SCG5: variants seen among roughly 807,000 people sequenced by gnomAD.
SCG5 encodes secretogranin V.
Under a neutral mutation model 25.7 loss-of-function variants are expected in SCG5, and 18 were observed. The observed-to-expected ratio is 0.70, with a 90% CI of 0.48 to 1.04. The LOEUF (loss-of-function observed/expected upper bound fraction) is 1.04, where lower values mean the gene tolerates loss of function less well. Ranked by LOEUF, SCG5 falls within the 50% of genes least tolerant of loss-of-function variation. The pLI is 0.00. For synonymous variants in SCG5, 101 were observed against 91.7 expected, an observed-to-expected ratio of 1.10 and a Z score of -0.58; for missense variants, 206 against 259.8, an observed-to-expected ratio of 0.79 and a Z score of 1.42.
chr15:32,678,324 T>C (rs2054563706), intron 2 of SCG5, among the ~76,000 whole-genome samples: 1 of 152,202 alleles, frequency 6.6e-6, no homozygotes, highest in Admixed American at 6.5e-5. Flanking sequence ...AGGCCTTGCA[T>C]CTTTATTATG....
At chr15:32,676,124 A>G (rs182525943) in intron 2 of SCG5, among the ~76,000 whole-genome samples, 13 of 152,330 alleles carry the variant, frequency 8.5e-5, no homozygotes, top group Admixed American at 2.6e-4. Context: ...TGTCTATAAA[A>G]TTCTAGCTCC....
intron 2 of SCG5, among the ~76,000 whole-genome samples, chr15:32,657,762 T>A (rs899596047): frequency 6.6e-6 from 1 of 152,212 alleles, no homozygotes; most frequent in African/African-American, 2.4e-5. Context: ...CATTTCTACT[T>A]TTATTTACTC....
At chr15:32,671,891 C>T (rs2054432252) in intron 2 of SCG5, among the ~76,000 whole-genome samples, 1 of 152,136 alleles carries the variant, frequency 6.6e-6, no homozygotes, top group Non-Finnish European at 1.5e-5. Flanking sequence ...GCTTTGCCTT[C>T]CCTTAGCCTG....
chr15:32,648,422 TC>T (rs894312728), intron 2 of SCG5, among the ~76,000 whole-genome samples: 1 of 152,132 alleles, frequency 6.6e-6, no homozygotes, highest in African/African-American at 2.4e-5. Flanking sequence ...TAAACTTTTT[TC>T]AGGAGTTAAA....
chr15:32,650,827 C>G (rs1399668890), intron 2 of SCG5, among the ~76,000 whole-genome samples: 1 of 152,184 alleles, frequency 6.6e-6, no homozygotes, highest in Non-Finnish European at 1.5e-5. Flanking sequence ...AGTTATCTAG[C>G]CATTAAGATA....
chr15:32,684,552 T>C lies in SCG5; in HGVS notation c.377-5T>C. On this transcript the variant is annotated splice_region_variant and splice_polypyrimidine_tract_variant and intron_variant, in intron 3 of 5. Transcript: ENST00000300175. ...CGTTCCTCAAAAACCTTTGGCTGTT[T>C]GCAGCAGATGATGGATGTCTAGAAA... 1 of 1,597,622 alleles carries C rather than the reference T, an allele frequency of 6.3e-7. No individual in the cohort carries two copies. Among genetic ancestry groups the C allele is most frequent in the Admixed American group, 1.7e-5 (1 of 59,562 alleles).
At chr15:32,667,823 C>T (rs1055824620) in intron 2 of SCG5, among the ~76,000 whole-genome samples, 1 of 152,046 alleles carries the variant, frequency 6.6e-6, no homozygotes, top group Admixed American at 6.6e-5. Context: ...CAGGCACACA[C>T]CAGCATGCCT....
intron 2 of SCG5, among the ~76,000 whole-genome samples, chr15:32,649,932 C>A (rs1041214179): frequency 6.6e-6 from 1 of 152,068 alleles, no homozygotes; most frequent in African/African-American, 2.4e-5. Context: ...TTGTCTGGTT[C>A]GAGTTGGTGT....
At chr15:32,684,393 C>G in intron 3 of SCG5, 164 bp from the exon 4 acceptor site, 1 of 599,214 alleles carries the variant, frequency 1.7e-6, no homozygotes, top group East Asian at 2.9e-5. Flanking sequence ...GATGAGTAAT[C>G]CTATCTAACT....
At chr15:32,653,808 C>G (rs771275993) in intron 2 of SCG5, among the ~76,000 whole-genome samples, 1 of 152,096 alleles carries the variant, frequency 6.6e-6, no homozygotes, top group Non-Finnish European at 1.5e-5. Context: ...ACTTTAATAC[C>G]TTCACAGAAA....
At chr15:32,651,667 T>C (rs2054032936) in intron 2 of SCG5, among the ~76,000 whole-genome samples, 1 of 152,200 alleles carries the variant, frequency 6.6e-6, no homozygotes, top group South Asian at 2.1e-4. Context: ...GCCTTTGGGG[T>C]TGCATTTTGT....
chr15:32,650,253 A>C lies in SCG5; in HGVS notation c.226+6435A>C, dbSNP rs2054012586. ...GCTGGGACTACAGGTGCCCGCCACC[A>C]CACCTGGCTAATTTTTTTTTCGTAT... On this transcript the variant is annotated intron_variant, in intron 2 of 5. Transcript: ENST00000300175. 2.6e-5 allele frequency among the ~76,000 whole-genome samples: 4 copies of C among 152,066 alleles called. No homozygotes were observed. In the South Asian group the frequency reaches 8.3e-4, roughly 32 times the overall value.
At chr15:32,695,571 G>A (rs904486253) in intron 5 of SCG5, among the ~76,000 whole-genome samples, 4 of 151,934 alleles carry the variant, frequency 2.6e-5, no homozygotes, top group East Asian at 3.9e-4. Context: ...GACCCTTCCC[G>A]GAAGCTTCCT....
chr15:32,653,486 C>G (rs1471737018), intron 2 of SCG5, among the ~76,000 whole-genome samples: 1 of 152,166 alleles, frequency 6.6e-6, no homozygotes, highest in Non-Finnish European at 1.5e-5. Flanking sequence ...TCACTAGAAC[C>G]AGATGTAAAT....
intron 2 of SCG5, among the ~76,000 whole-genome samples, chr15:32,672,528 G>A (rs1040935515): frequency 6.6e-5 from 10 of 152,228 alleles, no homozygotes; most frequent in South Asian, 2.1e-4. Context: ...CCATTTTGCC[G>A]GGGCCTGGCT....
At chr15:32,690,196 T>C (rs1407496068) in intron 4 of SCG5, among the ~76,000 whole-genome samples, 3 of 152,218 alleles carry the variant, frequency 2.0e-5, no homozygotes, top group Non-Finnish European at 4.4e-5. Context: ...TGGCTTTACC[T>C]GGCTGATGGC....
At chr15:32,660,781 C>G (rs2054202867) in intron 2 of SCG5, among the ~76,000 whole-genome samples, 1 of 152,178 alleles carries the variant, frequency 6.6e-6, no homozygotes, top group Admixed American at 6.5e-5. Flanking sequence ...AAGACATTTG[C>G]CTTCATGAGT....
At position 32,691,687 on chromosome 15, in the gene SCG5, G is replaced by T. The variant is rs1232837076; in HGVS notation, c.490-23G>T. The stretch of plus-strand genomic sequence containing the variant: ...TTTGATCCATACTTCTGCATTTTTT[G>T]TTTTCTTTTCTCCCCATTCTAGAAC... On this transcript the variant is annotated intron_variant, in intron 4 of 5. Coordinates refer to ENST00000300175, the MANE Select transcript of SCG5 (RefSeq NM_001144757.3). The T allele has an allele frequency of 1.7e-5, 27 of 1,574,876 alleles. No homozygotes were observed. The Admixed American group carries it at 1.9e-4, about 11-fold the overall frequency.
At chr15:32,695,650 TC>T (rs2054944452) in intron 5 of SCG5, among the ~76,000 whole-genome samples, 1 of 152,062 alleles carries the variant, frequency 6.6e-6, no homozygotes, top group African/African-American at 2.4e-5. Context: ...TAATGAATTC[TC>T]CTTAGTAAAA....
Sources: gnomAD v4.1 joint callset for allele counts (sites outside exome capture counted in the v4.1 genomes callset) on GRCh38, gnomAD v4.1.1 for gene constraint, MANE v1.5 for transcripts, NCBI Gene and HGNC (gene_info 2026-07-23, HGNC 2026-07-21) for gene names.